Variants in PHF14 observed in about 807,000 individuals in gnomAD.
PHF14 encodes PHD finger protein 14.
PHF14 carries 55 observed loss-of-function variants against 117.9 expected under a neutral mutation model. The observed-to-expected ratio is 0.47, with a 90% CI of 0.38 to 0.58. The LOEUF is 0.58. Ranked by LOEUF, PHF14 falls within the 20% of genes least tolerant of loss-of-function variation. The pLI is 0.00. For synonymous variants in PHF14, 409 were observed against 368.6 expected (o/e 1.11, Z -1.26); for missense variants, 978 against 1,122.2 (o/e 0.87, Z 1.84).
chr7:11,133,683 G>A (rs545378579), intron 17 of PHF14, among the ~76,000 whole-genome samples: 17 of 151,946 alleles, frequency 1.1e-4, no homozygotes, highest in African/African-American at 3.9e-4. Context: ...GGAGTTTAGG[G>A]CAGTGTCCTT....
intron 17 of PHF14, among the ~76,000 whole-genome samples, chr7:11,138,189 C>T (rs1358485042): frequency 5.9e-5 from 9 of 151,666 alleles, no homozygotes; most frequent in African/African-American, 2.2e-4. Flanking sequence ...TACATGTGCT[C>T]GCCACCACAC....
chr7:11,122,353 A>G (rs1562476367), intron 17 of PHF14, among the ~76,000 whole-genome samples: 3 of 50,900 alleles, frequency 5.9e-5, no homozygotes, highest in African/African-American at 4.1e-4. Flanking sequence ...ATATATATAT[A>G]CACACACACA....
At chr7:11,033,604 G>T (rs1784204357) in intron 7 of PHF14, among the ~76,000 whole-genome samples, 1 of 152,104 alleles carries the variant, frequency 6.6e-6, no homozygotes, top group African/African-American at 2.4e-5. Context: ...AGTACTAATG[G>T]GAAGAATGGA....
chr7:11,149,404 T>C (rs1788644530), intron 17 of PHF14, among the ~76,000 whole-genome samples: 1 of 152,152 alleles, frequency 6.6e-6, no homozygotes, highest in African/African-American at 2.4e-5. Flanking sequence ...AAGTTCATTA[T>C]GTATTCTGGG....
At chr7:10,977,178 A>T (rs181082787) in intron 2 of PHF14, among the ~76,000 whole-genome samples, 3 of 152,160 alleles carry the variant, frequency 2.0e-5, no homozygotes, top group Admixed American at 2.0e-4. Context: ...TGGTTTCCAA[A>T]CATGTTGAAG....
At chr7:11,078,478 A>G (rs1279305947) in intron 16 of PHF14, among the ~76,000 whole-genome samples, 1 of 152,158 alleles carries the variant, frequency 6.6e-6, no homozygotes, top group African/African-American at 2.4e-5. Context: ...CCTCTCTGCG[A>G]GCCAGTTTTC....
chr7:11,134,814 A>G (rs1788173186), intron 17 of PHF14, among the ~76,000 whole-genome samples: 1 of 152,176 alleles, frequency 6.6e-6, no homozygotes, highest in African/African-American at 2.4e-5. Flanking sequence ...TTGCAAAAAA[A>G]CATGAGTAAA....
chr7:10,979,996 T>G (rs1189587336), intron 2 of PHF14, among the ~76,000 whole-genome samples: 1 of 152,132 alleles, frequency 6.6e-6, no homozygotes, highest in Non-Finnish European at 1.5e-5. Context: ...TGCTTTCTAT[T>G]CAGGCATGGT....
rs769678449 is a variant in PHF14 at position 10,982,776 on chromosome 7, A to G, written c.517A>G (p.Thr173Ala). 1.9e-6 allele frequency: 3 copies of G among 1,613,894 alleles called. No homozygotes were observed. The highest frequency in any genetic ancestry group is 1.7e-5 in the Admixed American group (1 of 59,980). The change falls in exon 3 of 18, where the codon ACA becomes GCA. Residue 173 changes from threonine (T) to alanine (A), a missense_variant. Physicochemically the swap from Thr to Ala is moderately conservative, Grantham distance 58. Around this residue, in one of 7 missense-constraint regions of PHF14, gnomAD observed 414 missense variants for 376.4 expected, o/e 1.10. Coordinates refer to ENST00000634607, the MANE Select transcript of PHF14 (RefSeq NM_001007157.2). ...TTCTGTTCCCACTACGACAACCGCT[A>G]CAGAGGAACAAGTCAGCGAGCCAAA... is the stretch of plus-strand genomic sequence containing the variant. Reference protein sequence around the residue: ...SPSVPTTTTATEEQVSEPKKW... With the variant: ...SPSVPTTTTAAEEQVSEPKKW...
intron 16 of PHF14, among the ~76,000 whole-genome samples, chr7:11,077,472 G>A (rs980538499): frequency 2.0e-5 from 3 of 151,564 alleles, no homozygotes; most frequent in Admixed American, 1.3e-4. Context: ...GTGGTGGCAC[G>A]CGCCTGTAGT....
intron 3 of PHF14, among the ~76,000 whole-genome samples, chr7:10,987,115 TCTA>T (rs1401735636): frequency 8.5e-4 from 129 of 152,274 alleles, no homozygotes; most frequent in Middle Eastern, 3.4e-3. Flanking sequence ...ATTTGGGACT[TCTA>T]ACTTATTAAT....
At chr7:11,091,707 G>C (rs1763060572) in intron 16 of PHF14, among the ~76,000 whole-genome samples, 1 of 152,108 alleles carries the variant, frequency 6.6e-6, no homozygotes, top group African/African-American at 2.4e-5. Context: ...GCAGTGAGCT[G>C]AGATCATGCC....
At chr7:10,988,014 CT>C (rs1437372574) in intron 3 of PHF14, among the ~76,000 whole-genome samples, 5 of 64,892 alleles carry the variant, frequency 7.7e-5, no homozygotes, top group Admixed American at 3.4e-4. Flanking sequence ...GAAACTCCTT[CT>C]CAAAAAAAAA....
intron 7 of PHF14, among the ~76,000 whole-genome samples, chr7:11,034,008 T>G (rs574506960): frequency 2.0e-5 from 3 of 152,210 alleles, no homozygotes; most frequent in Admixed American, 6.5e-5. Flanking sequence ...TGAAGTCCCA[T>G]AGCCTGTAAA....
chr7:11,135,100 T>C (rs1788182902), intron 17 of PHF14, among the ~76,000 whole-genome samples: 1 of 152,142 alleles, frequency 6.6e-6, no homozygotes, highest in African/African-American at 2.4e-5. Context: ...ATGTACTCAA[T>C]GTCCCTGTAC....
intron 7 of PHF14, among the ~76,000 whole-genome samples, chr7:11,029,973 A>T (rs886463240): frequency 1.7e-4 from 26 of 152,034 alleles, no homozygotes; most frequent in Non-Finnish European, 3.2e-4. Context: ...GTAGAAAAAA[A>T]TTTGAAGGAT....
At chr7:11,104,099 C>T (rs1206498775) in intron 16 of PHF14, 6 of 984,418 alleles carry the variant, frequency 6.1e-6, no homozygotes, top group East Asian at 1.1e-4. Flanking sequence ...AGAAATTACT[C>T]GCAGTTGCTT....
intron 2 of PHF14, among the ~76,000 whole-genome samples, chr7:10,975,827 A>C (rs554255283): frequency 6.6e-6 from 1 of 152,296 alleles, no homozygotes; most frequent in South Asian, 2.1e-4. Flanking sequence ...ACTTCCAGAG[A>C]GTTTGCCGTG....
At chr7:11,124,629 G>A (rs1787865977) in intron 17 of PHF14, among the ~76,000 whole-genome samples, 1 of 151,892 alleles carries the variant, frequency 6.6e-6, no homozygotes, top group Non-Finnish European at 1.5e-5. Context: ...ATGAAAGAAA[G>A]AAATGAGATT....
Sources: gnomAD v4.1 joint callset for allele counts (sites outside exome capture counted in the v4.1 genomes callset) on GRCh38, gnomAD v4.1.1 for gene constraint, gnomAD v4.1.1 regional missense constraint, MANE v1.5 for transcripts, NCBI Gene and HGNC (gene_info 2026-07-23, HGNC 2026-07-21) for gene names.